Variants in RGS7 observed in about 807,000 individuals in gnomAD.
RGS7 encodes regulator of G protein signaling 7, also known as regulator of G-protein signaling 7.
RGS7 carries 27 observed loss-of-function variants against 81.1 expected under a neutral mutation model. The observed-to-expected ratio is 0.33, with a 90% CI of 0.25 to 0.46. The LOEUF is 0.46. RGS7 is among the 20% of genes least tolerant of loss of function. The pLI is 1.00. For synonymous variants in RGS7, 208 were observed against 207.7 expected, an observed-to-expected ratio of 1.00 and a Z score of -0.01; for missense variants, 396 against 607.4, an observed-to-expected ratio of 0.65 and a Z score of 3.66.
intron 2 of RGS7, among the ~76,000 whole-genome samples, chr1:241,208,916 C>T (rs2074081992): frequency 6.6e-6 from 1 of 152,154 alleles, no homozygotes; most frequent in African/African-American, 2.4e-5. Context: ...TAACAGCTTA[C>T]CTAAGAGATG....
At chr1:241,267,528 G>A (rs2077655920) in intron 2 of RGS7, among the ~76,000 whole-genome samples, 1 of 152,058 alleles carries the variant, frequency 6.6e-6, no homozygotes, top group African/African-American at 2.4e-5. Flanking sequence ...CTCTGGAAGT[G>A]CATATTCTTT....
chr1:240,947,544 CAG>C (rs957624288), intron 4 of RGS7, among the ~76,000 whole-genome samples: 1 of 152,108 alleles, frequency 6.6e-6, no homozygotes, highest in African/African-American at 2.4e-5. Flanking sequence ...GACTCCAGTC[CAG>C]AAGCACCTTC....
chr1:241,256,826 T>C (rs1030943116), intron 2 of RGS7, among the ~76,000 whole-genome samples: 8 of 151,848 alleles, frequency 5.3e-5, no homozygotes, highest in Non-Finnish European at 8.8e-5. Flanking sequence ...TTTTAACACA[T>C]GAGTTTTGGG....
At chr1:241,002,385 G>T (rs761153586) in intron 3 of RGS7, among the ~76,000 whole-genome samples, 1 of 151,558 alleles carries the variant, frequency 6.6e-6, no homozygotes, top group South Asian at 2.1e-4. Flanking sequence ...CCCGGGAGGC[G>T]TAGGTTGCAC....
At chr1:241,130,822 C>T (rs1167017240) in intron 2 of RGS7, among the ~76,000 whole-genome samples, 2 of 150,794 alleles carry the variant, frequency 1.3e-5, no homozygotes, top group Non-Finnish European at 2.9e-5. Context: ...ACATCCCTTT[C>T]AGATATAATC....
At chr1:240,924,235 C>A (rs926876919) in intron 6 of RGS7, among the ~76,000 whole-genome samples, 1 of 152,120 alleles carries the variant, frequency 6.6e-6, no homozygotes, top group African/African-American at 2.4e-5. Flanking sequence ...TTGCTGGCCT[C>A]TTATTATCAT....
chr1:240,946,961 G>T (rs1678735667), intron 4 of RGS7, among the ~76,000 whole-genome samples: 1 of 152,172 alleles, frequency 6.6e-6, no homozygotes, highest in Non-Finnish European at 1.5e-5. Context: ...ATATATACAT[G>T]CATTGAAACA....
At chr1:240,969,515 T>C (rs1462336728) in intron 4 of RGS7, among the ~76,000 whole-genome samples, 2 of 152,266 alleles carry the variant, frequency 1.3e-5, no homozygotes, top group African/African-American at 4.8e-5. Flanking sequence ...GGCCTCATTA[T>C]GTTTGTTCAA....
Position 240,932,876 on chromosome 1 carries a change from C to CTTTTTTTT in RGS7, c.334-2116_334-2109dup, listed in dbSNP as rs36194238. On this transcript the variant is annotated intron_variant, in intron 5 of 18. Transcript: ENST00000440928. Reference sequence around the variant, plus strand: ...GATATATTTCTACTTTGGTATCTTTCTTTTTTTTTTTTTTTTTTTTTTTTT... The same window carrying CTTTTTTTT: ...GATATATTTCTACTTTGGTATCTTTCTTTTTTTTTTTTTTTTTTTTTTTTTTTTTTTTT... 3.8e-3 allele frequency among the ~76,000 whole-genome samples: 218 copies of CTTTTTTTT among 57,348 alleles called. 8 individuals are homozygous for CTTTTTTTT. The highest frequency in any genetic ancestry group is 0.029 in the Middle Eastern group (1 of 34). 37.6% of individuals were successfully genotyped at this position (57,348 alleles called of 152,430 possible).
chr1:241,067,673 C>T (rs2062149076), intron 3 of RGS7, among the ~76,000 whole-genome samples: 1 of 151,912 alleles, frequency 6.6e-6, no homozygotes, highest in Admixed American at 6.6e-5. Flanking sequence ...GTGTGTGCCA[C>T]CCCAGCTAAT....
At chr1:240,917,698 G>A (rs1672825123) in intron 6 of RGS7, among the ~76,000 whole-genome samples, 1 of 152,176 alleles carries the variant, frequency 6.6e-6, no homozygotes, top group African/African-American at 2.4e-5. Flanking sequence ...GAGACAGGAA[G>A]ACAAAAGGAA....
intron 2 of RGS7, among the ~76,000 whole-genome samples, chr1:241,257,651 G>A (rs1243136909): frequency 6.6e-6 from 1 of 152,110 alleles, no homozygotes; most frequent in Non-Finnish European, 1.5e-5. Flanking sequence ...TTTTAATTCA[G>A]AAGGCCAATG....
intron 4 of RGS7, among the ~76,000 whole-genome samples, chr1:240,957,245 T>G (rs980979852): frequency 2.0e-5 from 3 of 152,198 alleles, no homozygotes; most frequent in African/African-American, 2.4e-5. Flanking sequence ...GGATGCTTCC[T>G]GCCCTCGAAC....
chr1:241,215,211 G>A (rs1460776883), intron 2 of RGS7, among the ~76,000 whole-genome samples: 3 of 152,264 alleles, frequency 2.0e-5, no homozygotes, highest in Admixed American at 1.3e-4. Flanking sequence ...ACTATGCTGA[G>A]ACTTGATGTG....
chr1:240,827,128 G>A lies in RGS7; in HGVS notation c.654C>T (p.Ser218=). Residue 218 remains serine (S), a synonymous_variant, in exon 10 of 19, where the codon TCC becomes TCT. Coordinates refer to ENST00000440928, the MANE Select transcript of RGS7 (RefSeq NM_001364886.1). ...GTGTTTTGTGGGGGTTTCTCATTCTGGATGACTTCTTAATGTCCACTTCAG... is the reference window on the plus strand; with the variant it reads ...GTGTTTTGTGGGGGTTTCTCATTCTAGATGACTTCTTAATGTCCACTTCAG... ...NTTEVDIKKS[S]RMRNPHKTRK... is the part of the protein sequence containing the mutation. The A allele has an allele frequency of 6.2e-7, 1 of 1,613,862 alleles. No individual in the cohort carries two copies. The highest frequency in any genetic ancestry group is 8.5e-7 in the Non-Finnish European group (1 of 1,179,748).
Position 240,976,204 on chromosome 1 carries a change from C to T in RGS7, c.226+6875G>A, listed in dbSNP as rs187266458. Among the ~76,000 whole-genome samples the T allele has an allele frequency of 1.2e-3, 188 of 152,330 alleles. 1 individual carries two copies. Among genetic ancestry groups the T allele is most frequent in the Non-Finnish European group, 2.1e-3 (145 of 68,034 alleles). On this transcript the variant is annotated intron_variant, in intron 4 of 18. Coordinates refer to ENST00000440928, the MANE Select transcript of RGS7 (RefSeq NM_001364886.1). ...GCACAGGGCTTTCAGAAGCACAGCA[C>T]AGTTTCCTACTTTGAGGTCTGATTA...
intron 9 of RGS7, among the ~76,000 whole-genome samples, chr1:240,837,832 A>G (rs1194021299): frequency 6.6e-6 from 1 of 152,212 alleles, no homozygotes. Context: ...AACCAAATAA[A>G]ATTTCATATA....
At chr1:241,235,620 CCT>C (rs1558219733) in intron 2 of RGS7, among the ~76,000 whole-genome samples, 3 of 46,926 alleles carry the variant, frequency 6.4e-5, no homozygotes, top group South Asian at 7.6e-4. Context: ...TCTTCCTTTC[CCT>C]TTTCTCTCTT....
chr1:241,287,643 C>T (rs2078890510), intron 2 of RGS7, among the ~76,000 whole-genome samples: 2 of 152,238 alleles, frequency 1.3e-5, no homozygotes, highest in Non-Finnish European at 1.5e-5. Context: ...TTGTAACCCA[C>T]AAGCTGTCCT....
Sources: gnomAD v4.1 joint callset for allele counts (sites outside exome capture counted in the v4.1 genomes callset) on GRCh38, gnomAD v4.1.1 for gene constraint, MANE v1.5 for transcripts, NCBI Gene and HGNC (gene_info 2026-07-23, HGNC 2026-07-21) for gene names.